Variants in KCNH7 observed in about 807,000 individuals in gnomAD.
KCNH7 encodes voltage-gated inwardly rectifying potassium channel KCNH7.
KCNH7 carries 49 observed loss-of-function variants against 120.8 expected under a neutral mutation model. The observed-to-expected ratio is 0.41, with a 90% confidence interval of 0.32 to 0.51. The LOEUF (loss-of-function observed/expected upper bound fraction) is 0.51, where lower values mean the gene tolerates loss of function less well. KCNH7 is among the 20% of genes least tolerant of loss of function. The pLI is 0.38. For synonymous variants in KCNH7, 547 were observed against 516.1 expected, an observed-to-expected ratio of 1.06 and a Z score of -0.81; for missense variants, 1,097 against 1,446.6, an observed-to-expected ratio of 0.76 and a Z score of 3.92.
At chr2:162,832,033 C>A (rs16847427) in intron 2 of KCNH7, among the ~76,000 whole-genome samples, 10,823 of 152,084 alleles carry the variant, frequency 0.071, 417 homozygotes, top group South Asian at 0.11. Flanking sequence ...AATTTGAATT[C>A]TGGATAACAT....
chr2:162,780,217 C>A (rs1221727676), intron 2 of KCNH7, among the ~76,000 whole-genome samples: 3 of 152,200 alleles, frequency 2.0e-5, no homozygotes. Flanking sequence ...CACAAAAAAA[C>A]TGTAGCCTAT....
At chr2:162,654,898 T>C (rs1171736533) in intron 2 of KCNH7, among the ~76,000 whole-genome samples, 1 of 152,142 alleles carries the variant, frequency 6.6e-6, no homozygotes, top group African/African-American at 2.4e-5. Context: ...AAGTATTACA[T>C]GGTCTCAATT....
At chr2:162,596,348 C>T (rs1694380350) in intron 2 of KCNH7, among the ~76,000 whole-genome samples, 1 of 151,968 alleles carries the variant, frequency 6.6e-6, no homozygotes, top group Non-Finnish European at 1.5e-5. Context: ...ATTGGCAAAA[C>T]AACAGACAAA....
chr2:162,732,656 C>A (rs1200646111), intron 2 of KCNH7, among the ~76,000 whole-genome samples: 1 of 152,136 alleles, frequency 6.6e-6, no homozygotes, highest in East Asian at 1.9e-4. Context: ...TCAATATCCT[C>A]ATTTGTAATA....
At chr2:162,421,987 A>G (rs1001692316) in intron 9 of KCNH7, among the ~76,000 whole-genome samples, 2 of 152,178 alleles carry the variant, frequency 1.3e-5, no homozygotes, top group Non-Finnish European at 2.9e-5. Flanking sequence ...TTGTTAAACA[A>G]TAATAGTGAT....
rs549012055 is a variant in KCNH7, at chr2:162,470,530, G to A, written c.1129-24087C>T. Among the ~76,000 whole-genome samples, 4 of 152,264 alleles carry A rather than the reference G, an allele frequency of 2.6e-5. No homozygotes were observed. The South Asian group carries it at 8.3e-4, about 32-fold the overall frequency. On this transcript the variant is annotated intron_variant, in intron 6 of 15. Transcript: ENST00000332142. Reference sequence around the variant, plus strand: ...GCCGGGCAGCCACCCCGTCTAGGAAGTGAGGAGCGTCTCCGCCCGGCAGCC... The same window carrying A: ...GCCGGGCAGCCACCCCGTCTAGGAAATGAGGAGCGTCTCCGCCCGGCAGCC...
At chr2:162,503,551 C>T (rs1690761772) in intron 6 of KCNH7, among the ~76,000 whole-genome samples, 1 of 151,970 alleles carries the variant, frequency 6.6e-6, no homozygotes, top group Admixed American at 6.6e-5. Flanking sequence ...GCTATTTCAG[C>T]TCACACATAA....
chr2:162,578,559 C>G (rs1693762878), intron 2 of KCNH7, among the ~76,000 whole-genome samples: 1 of 151,926 alleles, frequency 6.6e-6, no homozygotes, highest in South Asian at 2.1e-4. Flanking sequence ...GAGCATGACA[C>G]TGGAAACTTA....
chr2:162,375,938 G>A (rs1003544612), intron 14 of KCNH7, among the ~76,000 whole-genome samples: 1 of 150,372 alleles, frequency 6.7e-6, no homozygotes, highest in Non-Finnish European at 1.5e-5. Context: ...CTTATACTGA[G>A]ACTAAATAGC....
chr2:162,708,056 TA>T (rs966093853), intron 2 of KCNH7, among the ~76,000 whole-genome samples: 14 of 152,110 alleles, frequency 9.2e-5, no homozygotes. Context: ...ATTTCCACAG[TA>T]AAATATGTTC....
chr2:162,752,938 GAAAAGAAAAGAAA>G (rs1688627685), intron 2 of KCNH7, among the ~76,000 whole-genome samples: 2 of 92,436 alleles, frequency 2.2e-5, no homozygotes, highest in African/African-American at 1.4e-4. Context: ...GAAAAGAAAA[GAAAAGAAAAGAAA>G]AGAAAAGAAA....
At chr2:162,489,435 C>G (rs1690217281) in intron 6 of KCNH7, among the ~76,000 whole-genome samples, 1 of 152,098 alleles carries the variant, frequency 6.6e-6, no homozygotes, top group South Asian at 2.1e-4. Flanking sequence ...TTGTCTGGGT[C>G]ACATTCAAAG....
chr2:162,768,337 T>G (rs948887741), intron 2 of KCNH7, among the ~76,000 whole-genome samples: 8 of 80,468 alleles, frequency 9.9e-5, no homozygotes, highest in Admixed American at 7.6e-4. Flanking sequence ...TGAAGCTGGG[T>G]TTTTTTTTAT....
At chr2:162,489,098 A>T (rs1021245637) in intron 6 of KCNH7, among the ~76,000 whole-genome samples, 2 of 152,248 alleles carry the variant, frequency 1.3e-5, no homozygotes, top group Non-Finnish European at 2.9e-5. Context: ...ATATGCATAT[A>T]GCATTTAGTA....
chr2:162,479,185 C>CA, intron 6 of KCNH7, among the ~76,000 whole-genome samples: 1 of 127,812 alleles, frequency 7.8e-6, no homozygotes. Flanking sequence ...TTTTTTTTTT[C>CA]AAAAAAAGTC....
rs753983110 is a variant in KCNH7 at position 162,519,008 on chromosome 2, A to C, written c.464-850T>G. 4.2e-4 allele frequency among the ~76,000 whole-genome samples: 63 copies of C among 151,588 alleles called. 1 individual carries two copies. The highest frequency in any genetic ancestry group is 3.9e-4 in the Admixed American group (6 of 15,190). ...GTATATAAACTCACTAGTAGTAAAA[A>C]CTGCAAAGTAATACAAGAGGATATA... On this transcript the variant is annotated intron_variant, in intron 3 of 15. Coordinates refer to ENST00000332142, the MANE Select transcript of KCNH7 (RefSeq NM_033272.4).
chr2:162,383,988 A>G (rs1686501468), intron 13 of KCNH7, among the ~76,000 whole-genome samples: 1 of 151,852 alleles, frequency 6.6e-6, no homozygotes, highest in Non-Finnish European at 1.5e-5. Context: ...ACCACTTACT[A>G]GCTAGACCTA....
rs1685954738 is a variant in KCNH7, at chr2:162,371,757, G to A, written c.*72C>T. ...GTGAGCCCCTGAGTCAAGTAGAGAG[G>A]ATTTAAATAGAAAAAGGAAAACAGC... On this transcript the variant is annotated 3_prime_UTR_variant, in exon 16 of 16. Coordinates refer to ENST00000332142, the MANE Select transcript of KCNH7 (RefSeq NM_033272.4). The A allele has an allele frequency of 7.2e-7, 1 of 1,382,296 alleles. No homozygotes were observed. The highest frequency in any genetic ancestry group is 1.0e-6 in the Non-Finnish European group (1 of 1,001,674). 85.6% of individuals were successfully genotyped at this position (1,382,296 alleles called of 1,614,324 possible).
intron 2 of KCNH7, among the ~76,000 whole-genome samples, chr2:162,727,836 A>G (rs1481160167): frequency 6.6e-6 from 1 of 152,174 alleles, no homozygotes; most frequent in East Asian, 1.9e-4. Context: ...ATCTATTTCC[A>G]AATATCAGTT....
Sources: gnomAD v4.1 joint callset for allele counts (sites outside exome capture counted in the v4.1 genomes callset) on GRCh38, gnomAD v4.1.1 for gene constraint, MANE v1.5 for transcripts, NCBI Gene and HGNC (gene_info 2026-07-23, HGNC 2026-07-21) for gene names.